The following PDE1A variants were observed in gnomAD, a reference collection of about 807,000 sequenced individuals.
The protein encoded by PDE1A is phosphodiesterase 1A, also known as dual specificity calcium/calmodulin-dependent 3',5'-cyclic nucleotide phosphodiesterase 1A.
Under a neutral mutation model 61.7 loss-of-function variants are expected in PDE1A, and 35 were observed. The ratio of observed to expected loss-of-function variants is 0.57; its 90% CI spans 0.43 to 0.75. The LOEUF (loss-of-function observed/expected upper bound fraction) is 0.75, where lower values mean the gene tolerates loss of function less well. PDE1A is among the 30% of genes least tolerant of loss of function. The pLI, the probability that PDE1A is intolerant of heterozygous loss-of-function variation, is 0.00. For missense variants in PDE1A, 597 were observed against 630.6 expected (o/e 0.95, Z 0.57); for synonymous variants, 232 against 213.2 (o/e 1.09, Z -0.77).
chr2:182,473,695 T>C (rs1371091658), intron 2 of PDE1A, among the ~76,000 whole-genome samples: 6 of 151,940 alleles, frequency 3.9e-5, no homozygotes, highest in Admixed American at 6.6e-5. Context: ...TATGTGTCCA[T>C]GTGTTCTCAT....
At chr2:182,346,985 T>C (rs1284394121) in intron 1 of PDE1A, among the ~76,000 whole-genome samples, 1 of 152,136 alleles carries the variant, frequency 6.6e-6, no homozygotes, top group Non-Finnish European at 1.5e-5. Context: ...GGTAAAGAAG[T>C]AGACTATTAA....
At chr2:182,707,861 G>C in the PDE1A span, among the ~76,000 whole-genome samples, 1 of 152,176 alleles carries the variant, frequency 6.6e-6, no homozygotes, top group African/African-American at 2.4e-5. Flanking sequence ...GGAAAGGGTA[G>C]CAGGGAGGAG....
At chr2:182,623,081 G>C in the PDE1A span, among the ~76,000 whole-genome samples, 5 of 152,140 alleles carry the variant, frequency 3.3e-5, no homozygotes, top group South Asian at 1.0e-3. Flanking sequence ...ACAAGTGGTT[G>C]AATTAAAACT....
chr2:182,343,286 G>C (rs1004066664), intron 1 of PDE1A, among the ~76,000 whole-genome samples: 2 of 152,130 alleles, frequency 1.3e-5, no homozygotes, highest in Non-Finnish European at 2.9e-5. Flanking sequence ...TCTAATTCCT[G>C]CTTATTCACT....
chr2:182,515,394 G>C (rs976077843), intron 2 of PDE1A, among the ~76,000 whole-genome samples: 1 of 152,110 alleles, frequency 6.6e-6, no homozygotes, highest in Non-Finnish European at 1.5e-5. Context: ...TTACAAATAA[G>C]AAAAGTGAAG....
intron 6 of PDE1A, among the ~76,000 whole-genome samples, chr2:182,224,944 A>G (rs779052038): frequency 8.6e-5 from 13 of 151,882 alleles, no homozygotes; most frequent in Non-Finnish European, 1.5e-4. Flanking sequence ...CCAAAATGCT[A>G]TGACACTCAC....
chr2:182,646,291 T>C, the PDE1A span, among the ~76,000 whole-genome samples: 1 of 129,424 alleles, frequency 7.7e-6, no homozygotes, highest in Non-Finnish European at 1.6e-5. Context: ...TTACTAAAAA[T>C]ACATTAAAAA....
chr2:182,193,278 G>A (rs766579980), intron 10 of PDE1A, among the ~76,000 whole-genome samples: 4 of 152,204 alleles, frequency 2.6e-5, no homozygotes, highest in African/African-American at 4.8e-5. Context: ...GAGCCACCGC[G>A]CCTGGCCAGT....
At chr2:182,509,373 G>A (rs1325750343) in intron 2 of PDE1A, among the ~76,000 whole-genome samples, 2 of 152,140 alleles carry the variant, frequency 1.3e-5, no homozygotes, top group Admixed American at 6.5e-5. Flanking sequence ...AACTCCATTT[G>A]GTATTCAGCT....
chr2:182,364,682 T>C (rs867237366), intron 1 of PDE1A, among the ~76,000 whole-genome samples: 4 of 151,762 alleles, frequency 2.6e-5, no homozygotes, highest in African/African-American at 2.4e-5. Context: ...TTAATTTTTA[T>C]ACTTCCTGAT....
intron 3 of PDE1A, among the ~76,000 whole-genome samples, chr2:182,235,239 G>T (rs1337405305): frequency 2.0e-5 from 3 of 152,158 alleles, no homozygotes. Flanking sequence ...CGCCTCCCGG[G>T]TTCAAGTGAT....
rs1206851762 is a variant in PDE1A at position 182,426,513 on chromosome 2, A to C, written c.53+65T>G. The C allele has an allele frequency of 5.3e-6, 6 of 1,137,110 alleles. No homozygotes were observed. In the Admixed American group the frequency reaches 8.5e-5, roughly 16 times the overall value. The allele number at this position is 1,137,110 out of a possible 1,614,324, so 70.4% of individuals were successfully genotyped here. A position where few individuals can be genotyped will look rare whatever the true frequency, so the allele number is the denominator to read the frequency against. On this transcript the variant is annotated intron_variant, in intron 1 of 13. Coordinates refer to ENST00000351439, the Ensembl canonical transcript of PDE1A. The stretch of plus-strand genomic sequence containing the variant: ...GCTTAGTGGCAGAATCCCCAAATTA[A>C]GGATGAAGGGAGAAACTATTGTTCC...
At chr2:182,614,123 T>C in the PDE1A span, among the ~76,000 whole-genome samples, 1 of 152,244 alleles carries the variant, frequency 6.6e-6, no homozygotes, top group Middle Eastern at 3.2e-3. Flanking sequence ...AATTTATGTA[T>C]ATTTTATTTT....
At chr2:182,214,281 G>A (rs1016173748) in intron 7 of PDE1A, among the ~76,000 whole-genome samples, 5 of 151,592 alleles carry the variant, frequency 3.3e-5, no homozygotes, top group Non-Finnish European at 2.9e-5. Context: ...ACATGGAAAG[G>A]AACAACCAGT....
intron 8 of PDE1A, among the ~76,000 whole-genome samples, chr2:182,204,319 T>C (rs1192255661): frequency 1.3e-5 from 2 of 152,228 alleles, no homozygotes; most frequent in East Asian, 1.9e-4. Flanking sequence ...TTTAAAATTA[T>C]TTCACAGTTA....
the PDE1A span, among the ~76,000 whole-genome samples, chr2:182,562,176 T>C: frequency 6.6e-6 from 1 of 152,152 alleles, no homozygotes; most frequent in African/African-American, 2.4e-5. Flanking sequence ...CCATTCAGTG[T>C]GATATTGGCT....
chr2:182,152,929 T>C (rs1455860799), intron 13 of PDE1A, among the ~76,000 whole-genome samples: 1 of 152,142 alleles, frequency 6.6e-6, no homozygotes, highest in Non-Finnish European at 1.5e-5. Context: ...TACCTTAAAG[T>C]GTTACATAAG....
At position 182,176,208 on chromosome 2, in the gene PDE1A, C is replaced by T. The variant is rs1466152712; in HGVS notation, c.1517-7918G>A. On this transcript the variant is annotated intron_variant, in intron 13 of 13. Coordinates refer to ENST00000351439, the Ensembl canonical transcript of PDE1A. ...CATAGGAACTTTAAAGTAGTTTTTT[C>T]CAATTCTGTGAAGAAAGTCATTGGT... 1.8e-3 allele frequency among the ~76,000 whole-genome samples: 263 copies of T among 148,070 alleles called. 19 individuals carry two copies. Among genetic ancestry groups the T allele is most frequent in the Middle Eastern group, 0.01 (3 of 292 alleles).
intron 1 of PDE1A, among the ~76,000 whole-genome samples, chr2:182,359,543 T>A (rs1015499368): frequency 2.6e-5 from 4 of 152,168 alleles, no homozygotes; most frequent in Admixed American, 2.0e-4. Flanking sequence ...ACAACTGTAC[T>A]AATGCATTTC....
Sources: gnomAD v4.1 joint callset for allele counts (sites outside exome capture counted in the v4.1 genomes callset) on GRCh38, gnomAD v4.1.1 for gene constraint, MANE v1.5 for transcripts, NCBI Gene and HGNC (gene_info 2026-07-23, HGNC 2026-07-21) for gene names.